Variants in ARHGEF11 observed in about 807,000 individuals in gnomAD.
ARHGEF11 encodes the protein Rho guanine exchange factor (GEF) 11.
Under a neutral mutation model 193.7 loss-of-function variants are expected in ARHGEF11, and 55 were observed. The ratio of observed to expected loss-of-function variants is 0.28; its 90% CI spans 0.23 to 0.36. The LOEUF is 0.36. Ranked by LOEUF, ARHGEF11 falls within the 10% of genes least tolerant of loss-of-function variation. ARHGEF11 has a pLI of 1.00. For missense variants in ARHGEF11, 1,723 were observed against 2,005.6 expected (o/e 0.86, Z 2.69); for synonymous variants, 693 against 768.0 (o/e 0.90, Z 1.62).
At position 156,980,636 on chromosome 1, in the gene ARHGEF11, C is replaced by A. The variant is rs1663995595; in HGVS notation, c.224-150G>T. 3 of 814,582 alleles carry A rather than the reference C, an allele frequency of 3.7e-6. No individual in the cohort carries two copies. In the East Asian group the frequency reaches 8.1e-5, roughly 22 times the overall value. 50.5% of individuals were successfully genotyped at this position (814,582 alleles called of 1,614,324 possible). On this transcript the variant is annotated intron_variant, in intron 3 of 40. Transcript: ENST00000368194. ...TTCTGGGTGTACTTCCTATTCTACT[C>A]CAGTGACACAACTACTTTTAAGCTA...
At position 156,989,407 on chromosome 1, in the gene ARHGEF11, A is replaced by G. The variant is rs145646418; in HGVS notation, c.33-3234T>C. Among the ~76,000 whole-genome samples, 287 of 152,250 alleles carry G rather than the reference A, an allele frequency of 1.9e-3. 1 individual carries two copies. Among genetic ancestry groups the G allele is most frequent in the African/African-American group, 6.4e-3 (267 of 41,536 alleles). ...AGTCCATCCAGCACTCCACCACCAC[A>G]GACTAACTTACTCAAATACTACTCC... On this transcript the variant is annotated intron_variant, in intron 1 of 40. Coordinates refer to ENST00000368194, the MANE Select transcript of ARHGEF11 (RefSeq NM_198236.3).
rs1557839333 is a variant in ARHGEF11, at chr1:156,948,005, C to T, written c.2154-49G>A. 4 of 1,597,730 alleles carry T rather than the reference C, an allele frequency of 2.5e-6. No individual in the cohort carries two copies. In the South Asian group the frequency reaches 3.3e-5, roughly 13 times the overall value. ...CTTCATTTAGGAGGAAGAACTCACA[C>T]AGAGGGTTTGGCCCTCCCTCTCCTG... On this transcript the variant is annotated intron_variant, in intron 24 of 40. Transcript: ENST00000368194. The surrounding 1 kb of genome is among the most constrained non-coding windows in gnomAD (Gnocchi z 4.2).
At chr1:156,939,493 T>A in intron 37 of ARHGEF11, 55 bp downstream of exon 37, 1 of 1,600,136 alleles carries the variant, frequency 6.2e-7, no homozygotes, top group Non-Finnish European at 8.5e-7. Context: ...TCGGAAGACT[T>A]ATCTCACCTA....
chr1:156,978,151 G>A, intron 6 of ARHGEF11, 53 bp downstream of exon 6: 1 of 1,610,360 alleles, frequency 6.2e-7, no homozygotes, highest in African/African-American at 1.3e-5. Context: ...CCCCAATGCG[G>A]AGCTTTTCAA....
rs1314630707 is a variant in ARHGEF11, at chr1:156,936,067, G to A, written c.4631-9C>T. 6.2e-7 allele frequency: 1 copy of A among 1,613,864 alleles called. No homozygotes were observed. Among genetic ancestry groups the A allele is most frequent in the Non-Finnish European group, 8.5e-7 (1 of 1,179,890 alleles). The stretch of plus-strand genomic sequence containing the variant: ...CAGGGGGGCGTCAGAGCCTGTGGGA[G>A]GAGGATGAAGGTGAGGAACTGGCCA... On this transcript the variant is annotated splice_polypyrimidine_tract_variant and intron_variant, in intron 40 of 40. Transcript: ENST00000368194.
In ARHGEF11 at chr1:156,980,468, G is replaced by A. The variant is rs772611575; in HGVS notation, c.242C>T (p.Ala81Val). The change falls in exon 4 of 41, where the codon GCC becomes GTC. Residue 81 changes from alanine (A) to valine (V), a missense_variant. Ala to Val is a moderately conservative substitution (Grantham distance 64, BLOSUM62 0). Coordinates refer to ENST00000368194, the MANE Select transcript of ARHGEF11 (RefSeq NM_198236.3). The part of the protein sequence containing the change: ...SVRPGGAAMK[A>V]GVKEGDRIIK... ...GATCCGGTCGCCCTCTTTCACACCG[G>A]CCTTCATGGCTGCACCTCCTGTAAG... 36 of 1,601,094 alleles carry A rather than the reference G, an allele frequency of 2.2e-5. No individual in the cohort carries two copies. The highest frequency in any genetic ancestry group is 2.9e-5 in the Non-Finnish European group (34 of 1,173,322).
chr1:156,948,665 C>T lies in ARHGEF11; in HGVS notation c.1926-167G>A. On this transcript the variant is annotated intron_variant, in intron 22 of 40. Coordinates refer to ENST00000368194, the MANE Select transcript of ARHGEF11 (RefSeq NM_198236.3). This position sits in a 1 kb window ranked among gnomAD's most constrained non-coding sequence, Gnocchi z 4.2. ...GATGGCAGTGGAAGCTTCTCAATGA[C>T]AGACTATTTTTGCTGCTCTACAAAC... is the stretch of plus-strand genomic sequence containing the variant. The T allele has an allele frequency of 6.5e-7, 1 of 1,543,008 alleles. No individual in the cohort carries two copies. Among genetic ancestry groups the T allele is most frequent in the South Asian group, 1.2e-5 (1 of 84,228 alleles).
upstream of ARHGEF11, among the ~76,000 whole-genome samples, chr1:157,045,923 G>T (rs1205110445): frequency 6.6e-6 from 1 of 150,606 alleles, no homozygotes; most frequent in Non-Finnish European, 1.5e-5. Flanking sequence ...GCTGCCCGCC[G>T]CCCGCCGGCC....
chr1:156,959,637 T>G (rs941856632), intron 15 of ARHGEF11, among the ~76,000 whole-genome samples: 1 of 152,216 alleles, frequency 6.6e-6, no homozygotes, highest in Non-Finnish European at 1.5e-5. Flanking sequence ...CTGTGTTTCA[T>G]TCTCACTCTG....
chr1:157,012,784 A>G (rs899430338), intron 1 of ARHGEF11, among the ~76,000 whole-genome samples: 1 of 152,254 alleles, frequency 6.6e-6, no homozygotes, highest in African/African-American at 2.4e-5. Flanking sequence ...AAAAACATTT[A>G]GAACAGTGCT....
intron 20 of ARHGEF11, among the ~76,000 whole-genome samples, chr1:156,955,404 C>A (rs1296781976): frequency 3.9e-5 from 6 of 152,184 alleles, no homozygotes; most frequent in African/African-American, 1.4e-4. Flanking sequence ...CATTTTCTGT[C>A]CACAGGGCGA....
chr1:157,016,107 A>G (rs552384798), intron 1 of ARHGEF11, among the ~76,000 whole-genome samples: 6 of 152,216 alleles, frequency 3.9e-5, no homozygotes, highest in African/African-American at 1.4e-4. Context: ...CACAAATAAG[A>G]CCTAAACCCC....
At chr1:156,995,039 T>C (rs1666284326) in intron 1 of ARHGEF11, among the ~76,000 whole-genome samples, 1 of 152,158 alleles carries the variant, frequency 6.6e-6, no homozygotes, top group African/African-American at 2.4e-5. Context: ...ATCCAATCAA[T>C]TGACAAGTCC....
intron 1 of ARHGEF11, among the ~76,000 whole-genome samples, chr1:157,008,864 G>C (rs1668215790): frequency 6.6e-6 from 1 of 152,220 alleles, no homozygotes; most frequent in African/African-American, 2.4e-5. Context: ...TATCACCTTT[G>C]AGAGGGATCC....
intron 1 of ARHGEF11, among the ~76,000 whole-genome samples, chr1:156,991,311 T>C (rs1055315686): frequency 6.6e-6 from 1 of 152,016 alleles, no homozygotes; most frequent in African/African-American, 2.4e-5. Context: ...ATCCACTGGG[T>C]TTTTTGTTTG....
intron 22 of ARHGEF11, among the ~76,000 whole-genome samples, chr1:156,949,355 T>G (rs1446065152): frequency 6.6e-6 from 1 of 152,136 alleles, no homozygotes; most frequent in East Asian, 1.9e-4. Context: ...TCACCCCACC[T>G]CCATGCTGTG....
intron 1 of ARHGEF11, among the ~76,000 whole-genome samples, chr1:156,999,976 A>AT (rs948181782): frequency 6.6e-6 from 1 of 152,140 alleles, no homozygotes; most frequent in Non-Finnish European, 1.5e-5. Context: ...TCTTTTTAAA[A>AT]TTTTTTTGAG....
At chr1:156,941,732 G>A in intron 34 of ARHGEF11, 132 bp downstream of exon 34, 1 of 1,348,384 alleles carries the variant, frequency 7.4e-7, no homozygotes. Context: ...GCCAGCACTT[G>A]GAGCTGTCTG....
At chr1:157,022,510 T>C (rs765460451) in intron 1 of ARHGEF11, among the ~76,000 whole-genome samples, 67 of 152,146 alleles carry the variant, frequency 4.4e-4, no homozygotes, top group Non-Finnish European at 8.7e-4. Flanking sequence ...AAAACCATCA[T>C]TTAAAAAAGT....
Sources: allele counts gnomAD v4.1 joint callset (sites outside exome capture counted in the v4.1 genomes callset), GRCh38; gene constraint gnomAD v4.1.1; non-coding constraint Gnocchi (gnomAD v3.1); transcripts MANE v1.5; gene names NCBI Gene and HGNC (gene_info 2026-07-23, HGNC 2026-07-21).